The following SSPN variants were observed in gnomAD, a reference collection of about 807,000 sequenced individuals.
The protein encoded by SSPN is K-ras oncogene-associated protein.
In SSPN, 15 loss-of-function variants were observed where a neutral mutation model predicts 19.1. The observed-to-expected ratio is 0.78, with a 90% CI of 0.52 to 1.21. SSPN has a LOEUF of 1.21. SSPN is among the 50% of genes most tolerant of loss of function. The pLI is 0.00. For synonymous variants in SSPN, 147 were observed against 140.3 expected, an observed-to-expected ratio of 1.05 and a Z score of -0.34; for missense variants, 291 against 314.0, an observed-to-expected ratio of 0.93 and a Z score of 0.55.
Position 26,224,307 on chromosome 12 carries a change from C to G in SSPN, c.294C>G (p.Ala98=), listed in dbSNP as rs374132589. ...CTCCCTTGCAGGTCTGCTTAGTGGC[C>G]TATCTTGGCTTGTTTATGCTTTGTG... The part of the protein sequence containing the change: ...FWAGIIVCLV[A]YLGLFMLCVS... Residue 98 remains alanine, a synonymous_variant, in exon 2 of 3, where the codon GCC becomes GCG. Coordinates refer to ENST00000242729, the MANE Select transcript of SSPN (RefSeq NM_005086.5). The G allele has an allele frequency of 4.3e-5, 70 of 1,613,742 alleles. No individual in the cohort carries two copies. The highest frequency in any genetic ancestry group is 5.8e-5 in the Non-Finnish European group (68 of 1,179,802).
chr12:26,158,441 C>A (rs1266273481), intron 1 of SSPN, among the ~76,000 whole-genome samples: 1 of 152,208 alleles, frequency 6.6e-6, no homozygotes, highest in Admixed American at 6.5e-5. Context: ...ACCTTCCTAG[C>A]CACATCCATC....
At position 26,195,805 on chromosome 12, in the gene SSPN, C is replaced by T. The variant is rs551694400; in HGVS notation, c.133C>T (p.Arg45Trp). 4.8e-5 allele frequency: 74 copies of T among 1,534,830 alleles called. No individual in the cohort carries two copies. In the Middle Eastern group the frequency reaches 8.5e-4, roughly 18 times the overall value. The change falls in exon 1 of 3, where the codon CGG (arginine) becomes TGG (tryptophan). Residue 45 changes from arginine to tryptophan, a missense_variant. Coordinates refer to ENST00000242729, the MANE Select transcript of SSPN (RefSeq NM_005086.5). Reference protein sequence around the residue: ...APKECGEEEPRTCCGCRFPLL... With the variant: ...APKECGEEEPWTCCGCRFPLL... Reference sequence around the variant, plus strand: ...CAAGGAGTGCGGGGAGGAGGAGCCCCGGACCTGCTGCGGCTGCCGGTTCCC... The same window carrying T: ...CAAGGAGTGCGGGGAGGAGGAGCCCTGGACCTGCTGCGGCTGCCGGTTCCC...
chr12:26,232,532 G>A lies in SSPN; in HGVS notation c.*1456G>A. 1.0e-6 allele frequency: 1 copy of A among 985,334 alleles called. No individual in the cohort carries two copies. The highest frequency in any genetic ancestry group is 1.2e-6 in the Non-Finnish European group (1 of 829,906). The allele number at this position is 985,334 out of a possible 1,614,324, so 61.0% of individuals were successfully genotyped here. On this transcript the variant is annotated 3_prime_UTR_variant, in exon 3 of 3. Coordinates refer to ENST00000242729, the MANE Select transcript of SSPN (RefSeq NM_005086.5). The stretch of plus-strand genomic sequence containing the variant: ...TGAGTTCAATTCGCCTCTCCGCATT[G>A]CCTATTGATACACTTTACTAATCAT...
Position 26,231,132 on chromosome 12 carries a change from A to C in SSPN, c.*56A>C, listed in dbSNP as rs193126907. 4.3e-5 allele frequency: 63 copies of C among 1,477,088 alleles called. No homozygotes were observed. In the Admixed American group the frequency reaches 6.7e-4, roughly 16 times the overall value. The allele number at this position is 1,477,088 out of a possible 1,614,324, so 91.5% of individuals were successfully genotyped here. ...GCACATGGAGTAGCTGAGGTTAAAC[A>C]AACAAAAAAAAATTTTAAACAAAGA... On this transcript the variant is annotated 3_prime_UTR_variant, in exon 3 of 3. Transcript: ENST00000242729.
At position 26,209,434 on chromosome 12, in the gene SSPN, CT is replaced by C. The variant is rs139126351; in HGVS notation, c.279+13485del. Among the ~76,000 whole-genome samples the C allele has an allele frequency of 1.7e-3, 256 of 152,018 alleles. 1 individual carries two copies. Among genetic ancestry groups the C allele is most frequent in the African/African-American group, 5.9e-3 (246 of 41,486 alleles). On this transcript the variant is annotated intron_variant, in intron 1 of 2. Transcript: ENST00000242729. ...TTGCTGTCAGATGTATATTTAGAAT[CT>C]TCTTATTCTCCCTCCATATTTCTTA...
chr12:26,140,242 T>C (rs141670040), intron 1 of SSPN, among the ~76,000 whole-genome samples: 1 of 152,196 alleles, frequency 6.6e-6, no homozygotes, highest in Admixed American at 6.5e-5. Context: ...TCCAAACCCA[T>C]GTAGTCTTCC....
chr12:26,186,348 G>T (rs568226375), intron 1 of SSPN, among the ~76,000 whole-genome samples: 1 of 152,244 alleles, frequency 6.6e-6, no homozygotes, highest in African/African-American at 2.4e-5. Context: ...AAATTTCCAG[G>T]TATAATTAAA....
At chr12:26,217,228 G>C (rs1277123726) in intron 1 of SSPN, among the ~76,000 whole-genome samples, 1 of 127,618 alleles carries the variant, frequency 7.8e-6, no homozygotes, top group African/African-American at 3.0e-5. Flanking sequence ...TCTTCCATTT[G>C]TTTGTATCCT....
chr12:26,169,898 TG>T (rs1216781641), intron 1 of SSPN, among the ~76,000 whole-genome samples: 2 of 152,216 alleles, frequency 1.3e-5, no homozygotes, highest in African/African-American at 4.8e-5. Context: ...GAGCAGGCTG[TG>T]GACCCTAGAA....
intron 1 of SSPN, among the ~76,000 whole-genome samples, chr12:26,186,223 A>AT (rs1174702819): frequency 6.6e-6 from 1 of 151,850 alleles, no homozygotes; most frequent in Non-Finnish European, 1.5e-5. Flanking sequence ...AACAACAACC[A>AT]TTTTAAGTGC....
intron 1 of SSPN, among the ~76,000 whole-genome samples, chr12:26,164,335 C>T (rs1944608014): frequency 6.6e-6 from 1 of 152,204 alleles, no homozygotes; most frequent in Non-Finnish European, 1.5e-5. Context: ...TAAAGAATCT[C>T]ACCAGGTGAT....
At chr12:26,136,250 A>G (rs1193071713) in intron 1 of SSPN, among the ~76,000 whole-genome samples, 1 of 152,196 alleles carries the variant, frequency 6.6e-6, no homozygotes, top group African/African-American at 2.4e-5. Context: ...TTGAGCACCC[A>G]AGGATTTTGG....
At position 26,149,664 on chromosome 12, in the gene SSPN, T is replaced by G. The variant is rs374044199; in HGVS notation, c.-31+27512T>G. ...TAATTTGTACTCAGTACCTGTTGCC[T>G]GCTATCCACAACAGCAATGAAAACA... On this transcript the variant is annotated intron_variant, in intron 1 of 2. Transcript: ENST00000538142. 2.0e-5 allele frequency among the ~76,000 whole-genome samples: 3 copies of G among 152,376 alleles called. No homozygotes were observed. In the East Asian group the frequency reaches 5.8e-4, roughly 29 times the overall value.
chr12:26,155,093 G>A (rs1159903063), intron 1 of SSPN, among the ~76,000 whole-genome samples: 1 of 152,166 alleles, frequency 6.6e-6, no homozygotes, highest in Non-Finnish European at 1.5e-5. Context: ...GGGAAAAAAA[G>A]CAAAACCATG....
At chr12:26,128,498 G>A (rs935708875) in intron 1 of SSPN, among the ~76,000 whole-genome samples, 1 of 152,216 alleles carries the variant, frequency 6.6e-6, no homozygotes, top group East Asian at 1.9e-4. Flanking sequence ...CTGTTCACCA[G>A]CTCTGCTGAG....
intron 1 of SSPN, chr12:26,122,765 C>G: frequency 1.9e-6 from 3 of 1,592,424 alleles, no homozygotes; most frequent in East Asian, 2.3e-5. Context: ...TCTCGCGGTC[C>G]GGCCGGGCCT....
intron 1 of SSPN, among the ~76,000 whole-genome samples, chr12:26,174,475 G>GCTTCCTTCCTTCCTTCCTTCCTTC (rs763960839): frequency 8.3e-4 from 101 of 121,972 alleles, no homozygotes; most frequent in South Asian, 2.2e-3. Flanking sequence ...TGCTACCCAC[G>GCTTCCTTCCTTCCTTCCTTCCTTC]CTTCCTTCCT....
intron 1 of SSPN, among the ~76,000 whole-genome samples, chr12:26,161,107 C>CAA (rs35876807): frequency 0.021 from 2,103 of 97,834 alleles, 36 homozygotes; most frequent in Middle Eastern, 0.075. Flanking sequence ...GACTCTGTCT[C>CAA]AAAAAAAAAA....
chr12:26,201,779 A>C (rs1261994468), intron 1 of SSPN, among the ~76,000 whole-genome samples: 2 of 152,224 alleles, frequency 1.3e-5, no homozygotes, highest in African/African-American at 4.8e-5. Context: ...AATCAAATGA[A>C]AAATAAAATA....
Sources: allele counts gnomAD v4.1 joint callset (sites outside exome capture counted in the v4.1 genomes callset), GRCh38; gene constraint gnomAD v4.1.1; transcripts MANE v1.5; gene names NCBI Gene and HGNC (gene_info 2026-07-23, HGNC 2026-07-21).